TNFAIP8L3: variants seen among roughly 807,000 people sequenced by gnomAD.
TNFAIP8L3 encodes tumor necrosis factor alpha-induced protein 8-like protein 3.
Under a neutral mutation model 11.8 loss-of-function variants are expected in TNFAIP8L3, and 7 were observed. That is an observed-to-expected ratio of 0.59 (90% confidence interval 0.34 to 1.11). The LOEUF (loss-of-function observed/expected upper bound fraction) is 1.11. Among genes scored for constraint, TNFAIP8L3 ranks in the 50% most tolerant of loss-of-function variants. The pLI, the probability that TNFAIP8L3 is intolerant of heterozygous loss-of-function variation, is 0.03. For synonymous variants in TNFAIP8L3, 98 were observed against 103.8 expected, an observed-to-expected ratio of 0.94 and a Z score of 0.34; for missense variants, 219 against 258.6, an observed-to-expected ratio of 0.85 and a Z score of 1.05.
chr15:51,089,146 C>G (rs771251691), intron 1 of TNFAIP8L3, among the ~76,000 whole-genome samples: 4 of 152,034 alleles, frequency 2.6e-5, no homozygotes, highest in Non-Finnish European at 5.9e-5. Context: ...AGAGAAGTCC[C>G]AAATAAACCT....
At chr15:51,085,192 A>AC (rs1430760483) in intron 1 of TNFAIP8L3, among the ~76,000 whole-genome samples, 1 of 150,030 alleles carries the variant, frequency 6.7e-6, no homozygotes, top group African/African-American at 2.4e-5. Context: ...CTTTACAATA[A>AC]AAAAAAAAAT....
intron 1 of TNFAIP8L3, among the ~76,000 whole-genome samples, chr15:51,079,855 C>CAAAAAAAAAAAAAAAAA (rs10602536): frequency 5.4e-4 from 42 of 77,518 alleles, no homozygotes; most frequent in Non-Finnish European, 5.8e-4. Context: ...GACTTTGTCT[C>CAAAAAAAAAAAAAAAAA]AAAAAAAAAA....
intron 1 of TNFAIP8L3, among the ~76,000 whole-genome samples, chr15:51,102,284 C>T (rs769753998): frequency 7.2e-5 from 11 of 152,184 alleles, no homozygotes; most frequent in Non-Finnish European, 1.6e-4. Flanking sequence ...AGTATCCTCT[C>T]GTGGTTTATG....
At position 51,057,771 on chromosome 15, in the gene TNFAIP8L3, G is replaced by C; in HGVS notation, c.*110C>G. 1 of 960,548 alleles carries C rather than the reference G, an allele frequency of 1.0e-6. No individual in the cohort carries two copies. Among genetic ancestry groups the C allele is most frequent in the African/African-American group, 1.6e-5 (1 of 61,310 alleles). The allele number at this position is 960,548 out of a possible 1,614,324, so 59.5% of individuals were successfully genotyped here. A position where few individuals can be genotyped will look rare whatever the true frequency, so the allele number is the denominator to read the frequency against. ...CAGCATCAGAGGGATGAACAGGAAA[G>C]AACATGGACATCTTTGACAAGGGTT... On this transcript the variant is annotated 3_prime_UTR_variant, in exon 2 of 2. Transcript: ENST00000637513.
rs904099295 is a variant in TNFAIP8L3 at position 51,058,007 on chromosome 15, G to A, written c.489C>T (p.His163=). 9 of 1,614,096 alleles carry A rather than the reference G, an allele frequency of 5.6e-6. No homozygotes were observed. The highest frequency in any genetic ancestry group is 7.6e-6 in the Non-Finnish European group (9 of 1,180,050). The part of the protein sequence containing the change: ...LTPRTHGRIN[H]VFNHFADVEF... ...CCACATCGGCAAAGTGGTTAAAGAC[G>A]TGGTTGATGCGCCCGTGGGTCCTGG... Residue 163 remains histidine (H), a synonymous_variant, in exon 2 of 2, where the codon CAC becomes CAT. Coordinates refer to ENST00000637513, the MANE Select transcript of TNFAIP8L3 (RefSeq NM_001311175.2).
At chr15:51,087,634 C>T (rs1015346384) in intron 1 of TNFAIP8L3, among the ~76,000 whole-genome samples, 8 of 152,090 alleles carry the variant, frequency 5.3e-5, no homozygotes, top group Non-Finnish European at 7.4e-5. Context: ...CAATATTGGA[C>T]ACCACCAAGT....
At position 51,080,896 on chromosome 15, in the gene TNFAIP8L3, C is replaced by T. The variant is rs74894566; in HGVS notation, c.52+13648G>A. Among the ~76,000 whole-genome samples, 973 of 152,326 alleles carry T rather than the reference C, an allele frequency of 6.4e-3. 9 individuals carry two copies. Among genetic ancestry groups the T allele is most frequent in the African/African-American group, 0.023 (940 of 41,572 alleles). On this transcript the variant is annotated intron_variant, in intron 1 of 1. Coordinates refer to ENST00000637513, the MANE Select transcript of TNFAIP8L3 (RefSeq NM_001311175.2). ...ATACAATGACTTTATTCCAACCACA[C>T]CCTTGATGGATGGTTTGCCTTGGTC...
upstream of TNFAIP8L3, among the ~76,000 whole-genome samples, chr15:51,096,335 A>G (rs1397796540): frequency 1.3e-5 from 2 of 152,174 alleles, no homozygotes; most frequent in African/African-American, 4.8e-5. Context: ...TACAAGTTGG[A>G]TGGATATTGA....
chr15:51,061,800 A>G (rs1055753875), intron 1 of TNFAIP8L3, among the ~76,000 whole-genome samples: 2 of 152,200 alleles, frequency 1.3e-5, no homozygotes, highest in Non-Finnish European at 2.9e-5. Context: ...ATAATATAAA[A>G]TATCAAAATT....
chr15:51,096,639 C>T (rs1303480661), upstream of TNFAIP8L3, among the ~76,000 whole-genome samples: 1 of 152,046 alleles, frequency 6.6e-6, no homozygotes, highest in African/African-American at 2.4e-5. Flanking sequence ...CGCCTGTAAT[C>T]CCAGCACTTT....
intron 1 of TNFAIP8L3, among the ~76,000 whole-genome samples, chr15:51,063,235 G>A (rs2065251272): frequency 6.6e-6 from 1 of 152,192 alleles, no homozygotes; most frequent in Non-Finnish European, 1.5e-5. Flanking sequence ...AATGTATTCA[G>A]GTGGGTAGAA....
intron 1 of TNFAIP8L3, among the ~76,000 whole-genome samples, chr15:51,086,292 GCAGTGGCTTTGTGCTAA>G (rs2140978044): frequency 6.6e-6 from 1 of 152,356 alleles, no homozygotes; most frequent in East Asian, 1.9e-4. Context: ...CTTCTGCCTA[GCAGTGGCTTTGTGCTAA>G]CTCTCCCATC....
At chr15:51,075,553 C>T (rs1489138430) in intron 1 of TNFAIP8L3, among the ~76,000 whole-genome samples, 1 of 152,176 alleles carries the variant, frequency 6.6e-6, no homozygotes, top group East Asian at 1.9e-4. Context: ...ACTTTCTCTA[C>T]CACGGCAGGC....
intron 1 of TNFAIP8L3, among the ~76,000 whole-genome samples, chr15:51,083,215 A>C (rs1051151439): frequency 4.6e-5 from 7 of 152,140 alleles, no homozygotes; most frequent in African/African-American, 1.7e-4. Context: ...CTTCAATTAA[A>C]TTTCAGTCTA....
At chr15:51,078,621 G>A (rs554822197) in intron 1 of TNFAIP8L3, among the ~76,000 whole-genome samples, 93 of 151,830 alleles carry the variant, frequency 6.1e-4, no homozygotes, top group South Asian at 1.2e-3. Context: ...CCAGTCCAGG[G>A]GACTCTCCCA....
chr15:51,065,030 A>G (rs1054253742), intron 1 of TNFAIP8L3, among the ~76,000 whole-genome samples: 109 of 152,230 alleles, frequency 7.2e-4, no homozygotes, highest in African/African-American at 2.5e-3. Context: ...TGTTTGAACA[A>G]AAGTTCCCAT....
upstream of TNFAIP8L3, among the ~76,000 whole-genome samples, chr15:51,096,038 A>G (rs2065511646): frequency 6.6e-6 from 1 of 152,196 alleles, no homozygotes; most frequent in African/African-American, 2.4e-5. Context: ...CATAGAATTC[A>G]ACTTATTTTC....
chr15:51,080,998 C>T (rs1228472283), intron 1 of TNFAIP8L3, among the ~76,000 whole-genome samples: 1 of 152,226 alleles, frequency 6.6e-6, no homozygotes, highest in Non-Finnish European at 1.5e-5. Context: ...TTCAGTGTTG[C>T]TATTTAGAAA....
At chr15:51,063,328 G>A (rs1261242278) in intron 1 of TNFAIP8L3, among the ~76,000 whole-genome samples, 1 of 152,172 alleles carries the variant, frequency 6.6e-6, no homozygotes, top group Non-Finnish European at 1.5e-5. Flanking sequence ...TTCCAGCAAG[G>A]AGGGCTTTCC....
Sources: allele counts gnomAD v4.1 joint callset (sites outside exome capture counted in the v4.1 genomes callset), GRCh38; gene constraint gnomAD v4.1.1; transcripts MANE v1.5; gene names NCBI Gene and HGNC (gene_info 2026-07-23, HGNC 2026-07-21).